Variants in ANKS3 observed in about 807,000 individuals in gnomAD.
ANKS3 encodes the protein ankyrin repeat and SAM domain-containing protein 3.
A neutral mutation model predicts 80.7 loss-of-function variants in ANKS3; 62 were observed. The observed-to-expected ratio is 0.77, with a 90% confidence interval of 0.63 to 0.95. The LOEUF (loss-of-function observed/expected upper bound fraction) is 0.95. ANKS3 is among the 40% of genes least tolerant of loss of function. The probability of loss-of-function intolerance (pLI) is 0.00; values close to 1 mark genes in which losing one functional copy is unlikely to be tolerated. For synonymous variants in ANKS3, 489 were observed against 355.3 expected (o/e 1.38, Z -4.23); for missense variants, 1,150 against 883.6 (o/e 1.30, Z -3.82).
Position 4,697,962 on chromosome 16 carries a change from G to C in ANKS3, c.1810+15C>G, listed in dbSNP as rs1420786549. 4 of 1,568,000 alleles carry C rather than the reference G, an allele frequency of 2.6e-6. No homozygotes were observed. Among genetic ancestry groups the C allele is most frequent in the African/African-American group, 1.4e-5 (1 of 73,960 alleles). ...TTCCCCTCTGCCCAGTGCGGAGTCA[G>C]GCCACTGCTCTTACCAGCTGGGGGG... On this transcript the variant is annotated intron_variant, in intron 15 of 17. Transcript: ENST00000304283.
intron 7 of ANKS3, among the ~76,000 whole-genome samples, chr16:4,706,138 C>T (rs909504493): frequency 6.6e-6 from 1 of 152,172 alleles, no homozygotes; most frequent in Non-Finnish European, 1.5e-5. Flanking sequence ...AGGTGATCCA[C>T]CCACCTCAGC....
rs201501549 is a variant in ANKS3 at position 4,697,969 on chromosome 16, G to A, written c.1810+8C>T. ...CTGCCCAGTGCGGAGTCAGGCCACTGCTCTTACCAGCTGGGGGGACGGCTA... is the reference window on the plus strand; with the variant it reads ...CTGCCCAGTGCGGAGTCAGGCCACTACTCTTACCAGCTGGGGGGACGGCTA... On this transcript the variant is annotated splice_region_variant and intron_variant, in intron 15 of 17. Coordinates refer to ENST00000304283, the MANE Select transcript of ANKS3 (RefSeq NM_133450.4). 2.0e-4 allele frequency: 320 copies of A among 1,579,338 alleles called. 1 individual carries two copies. In the African/African-American group the frequency reaches 3.9e-3, roughly 19 times the overall value.
At chr16:4,711,323 G>C (rs12932049) in intron 7 of ANKS3, among the ~76,000 whole-genome samples, 1 of 151,188 alleles carries the variant, frequency 6.6e-6, no homozygotes, top group Non-Finnish European at 1.5e-5. Context: ...GGCTGGTCTC[G>C]AACTCCCGAC....
intron 1 of ANKS3, among the ~76,000 whole-genome samples, chr16:4,732,476 A>C (rs1052983444): frequency 2.6e-5 from 4 of 152,180 alleles, no homozygotes; most frequent in Admixed American, 6.5e-5. Flanking sequence ...TGAGGCCAGG[A>C]GTTCGAGACC....
At chr16:4,715,857 G>A (rs887386164) in intron 6 of ANKS3, among the ~76,000 whole-genome samples, 4 of 151,292 alleles carry the variant, frequency 2.6e-5, no homozygotes, top group South Asian at 2.1e-4. Context: ...GTGCAGCGGC[G>A]CCTAAGGAAA....
intron 6 of ANKS3, among the ~76,000 whole-genome samples, chr16:4,717,836 C>T (rs1198660761): frequency 6.6e-6 from 1 of 151,900 alleles, no homozygotes; most frequent in African/African-American, 2.4e-5. Context: ...CACTCTGTCA[C>T]CCAGGCTGGA....
chr16:4,727,589 G>A (rs368817733), intron 3 of ANKS3: 18 of 264,508 alleles, frequency 6.8e-5, no homozygotes, highest in East Asian at 5.8e-4. Context: ...CCACAGCAAA[G>A]AATGATCCAG....
chr16:4,707,438 T>C (rs959955976), intron 7 of ANKS3, among the ~76,000 whole-genome samples: 1 of 152,092 alleles, frequency 6.6e-6, no homozygotes, highest in Non-Finnish European at 1.5e-5. Flanking sequence ...TGTGCCACCA[T>C]GCCTGGCTAA....
chr16:4,704,038 C>A (rs2080057668), intron 8 of ANKS3, among the ~76,000 whole-genome samples: 3 of 152,200 alleles, frequency 2.0e-5, no homozygotes, highest in Admixed American at 2.0e-4. Context: ...AACGACCAGC[C>A]CGGTGTCCCA....
chr16:4,732,377 C>T (rs772254448), intron 1 of ANKS3, among the ~76,000 whole-genome samples: 6 of 152,232 alleles, frequency 3.9e-5, no homozygotes, highest in South Asian at 2.1e-4. Flanking sequence ...AGGGTGAGGC[C>T]GTGTTCTCTA....
intron 3 of ANKS3, chr16:4,728,046 C>G (rs983645279): frequency 6.6e-6 from 1 of 152,108 alleles, no homozygotes. Context: ...ACGGGATTCA[C>G]TTTTTTGTTG....
At position 4,724,749 on chromosome 16, in the gene ANKS3, C is replaced by A. The variant is rs942646086; in HGVS notation, c.573+1G>T. 1 of 1,612,432 alleles carries A rather than the reference C, an allele frequency of 6.2e-7. No homozygotes were observed. The highest frequency in any genetic ancestry group is 8.5e-7 in the Non-Finnish European group (1 of 1,179,112). Reference sequence around the variant, plus strand: ...ACATGCTAATAATCAGGGTCACTTACGTGATTCAGAAAATACTGCACGATT... The same window carrying A: ...ACATGCTAATAATCAGGGTCACTTAAGTGATTCAGAAAATACTGCACGATT... On this transcript the variant is annotated splice_donor_variant, in intron 6 of 17. Transcript: ENST00000304283. LOFTEE classifies it high-confidence loss of function.
At chr16:4,702,010 C>G in intron 9 of ANKS3, 92 bp downstream of exon 9, 1 of 1,437,884 alleles carries the variant, frequency 7.0e-7, no homozygotes, top group Non-Finnish European at 9.2e-7. Flanking sequence ...TGGCTGTGTC[C>G]AGCGCCAGGC....
intron 6 of ANKS3, among the ~76,000 whole-genome samples, chr16:4,719,832 T>G (rs2080995086): frequency 1.3e-5 from 2 of 152,048 alleles, no homozygotes; most frequent in Middle Eastern, 3.4e-3. Context: ...AATAATTATT[T>G]GCAGAAAAAG....
intron 7 of ANKS3, among the ~76,000 whole-genome samples, chr16:4,706,332 G>A (rs1405450533): frequency 6.6e-6 from 1 of 151,912 alleles, no homozygotes; most frequent in Admixed American, 6.6e-5. Context: ...CTGGGTTCAC[G>A]CCACTCTCCT....
chr16:4,697,601 C>T (rs1359527259), intron 15 of ANKS3, among the ~76,000 whole-genome samples, 185 bp from the exon 16 acceptor site: 1 of 151,754 alleles, frequency 6.6e-6, no homozygotes, highest in East Asian at 1.9e-4. Context: ...CTCCCACAGG[C>T]TGAGCAAACA....
chr16:4,700,713 G>T, intron 11 of ANKS3: 1 of 617,626 alleles, frequency 1.6e-6, no homozygotes, highest in South Asian at 1.6e-5. Flanking sequence ...TTCTCCCCAG[G>T]CTCAGGGAGG....
chr16:4,725,012 T>C, intron 5 of ANKS3, 181 bp from the exon 6 acceptor site: 1 of 525,132 alleles, frequency 1.9e-6, no homozygotes, highest in Admixed American at 3.7e-5. Context: ...CAGCTCCATT[T>C]ACTCTTCTGG....
chr16:4,722,223 G>A (rs1315304009), intron 6 of ANKS3, among the ~76,000 whole-genome samples: 1 of 151,244 alleles, frequency 6.6e-6, no homozygotes, highest in Non-Finnish European at 1.5e-5. Flanking sequence ...CCACCAATAA[G>A]TGAGAAAAAA....
Sources: gnomAD v4.1 joint callset for allele counts (sites outside exome capture counted in the v4.1 genomes callset) on GRCh38, gnomAD v4.1.1 for gene constraint, MANE v1.5 for transcripts, NCBI Gene and HGNC (gene_info 2026-07-23, HGNC 2026-07-21) for gene names.